The following DBN1 variants were observed in gnomAD, a reference collection of about 807,000 sequenced individuals.
DBN1 encodes the protein drebrin.
Under a neutral mutation model 83.5 loss-of-function variants are expected in DBN1, and 21 were observed. The ratio of observed to expected loss-of-function variants is 0.25; its 90% CI spans 0.18 to 0.36. The LOEUF is 0.36. DBN1 is among the 10% of genes least tolerant of loss of function. The pLI, the probability that DBN1 is intolerant of heterozygous loss-of-function variation, is 1.00. For synonymous variants in DBN1, 381 were observed against 384.9 expected, an observed-to-expected ratio of 0.99 and a Z score of 0.12; for missense variants, 874 against 935.7, an observed-to-expected ratio of 0.93 and a Z score of 0.86.
rs749888478 is a variant in DBN1 at position 177,460,680 on chromosome 5, TTCC to T, written c.792_794del (p.Glu266del). ...ACTCTGACTTCTTCATGTGGGTCTC[TTCC>T]TCCTCATCCCGATGGTCACCCTAGA... On this transcript the variant is annotated inframe_deletion, in exon 9 of 15. Transcript: ENST00000393565. 7.4e-6 allele frequency: 12 copies of T among 1,614,202 alleles called. No individual in the cohort carries two copies. In the South Asian group the frequency reaches 1.2e-4, roughly 16 times the overall value.
In DBN1 at chr5:177,467,347, G is replaced by C. The variant is rs754205461; in HGVS notation, c.478-15C>G. On this transcript the variant is annotated splice_polypyrimidine_tract_variant and intron_variant, in intron 5 of 14. Transcript: ENST00000393565. This position sits in a 1 kb window ranked among gnomAD's most constrained non-coding sequence, Gnocchi z 9.1. ...TAGGTGGTGCCCTGCAGTGTCGAAGGACCCAGCATAAGCAGGCTGAATGCC... is the reference window on the plus strand; with the variant it reads ...TAGGTGGTGCCCTGCAGTGTCGAAGCACCCAGCATAAGCAGGCTGAATGCC... 2 of 1,614,112 alleles carry C rather than the reference G, an allele frequency of 1.2e-6. No homozygotes were observed.
At position 177,466,752 on chromosome 5, in the gene DBN1, A is replaced by C. The variant is rs1757466339; in HGVS notation, c.771+20T>G. On this transcript the variant is annotated intron_variant, in intron 8 of 14. Coordinates refer to ENST00000393565, the MANE Select transcript of DBN1 (RefSeq NM_001363541.2). The surrounding 1 kb of genome is among the most constrained non-coding windows in gnomAD (Gnocchi z 4.8). ...TCACTTCCCTGACCCAGAGACCGGG[A>C]GCCTTGGCAAAGAACTTACAAAGAT... is the stretch of plus-strand genomic sequence containing the variant. The C allele has an allele frequency of 6.2e-7, 1 of 1,613,660 alleles. No homozygotes were observed. The highest frequency in any genetic ancestry group is 1.7e-5 in the Admixed American group (1 of 60,008).
chr5:177,473,381 A>T, intron 1 of DBN1, 55 bp downstream of exon 1: 3 of 1,035,022 alleles, frequency 2.9e-6, no homozygotes, highest in African/African-American at 1.7e-5. Flanking sequence ...AGAGAAACAA[A>T]GGCGCGGCGG....
intron 8 of DBN1, 130 bp from the exon 9 acceptor site, chr5:177,460,833 G>A: frequency 2.2e-6 from 2 of 903,504 alleles, no homozygotes. Context: ...AGGCTGGGGA[G>A]CAGTGGTACA....
Position 177,467,778 on chromosome 5 carries a change from C to T in DBN1, c.295G>A (p.Ala99Thr). The change falls in exon 4 of 15, where the codon GCC becomes ACC. Residue 99 changes from alanine (A) to threonine (T), a missense_variant. Physicochemically the swap from Ala to Thr is moderately conservative, Grantham distance 58. Coordinates refer to ENST00000393565, the MANE Select transcript of DBN1 (RefSeq NM_001363541.2). The surrounding 1 kb of genome is among the most constrained non-coding windows in gnomAD (Gnocchi z 9.1). ...DVPDARKCAC[A>T]SHVAKVAEFF... is the part of the protein sequence containing the mutation. ...TCCGCCACCTTAGCCACGTGGCTGGCACAAGCGCACTTGCGGGCATCAGGC... is the reference window on the plus strand; with the variant it reads ...TCCGCCACCTTAGCCACGTGGCTGGTACAAGCGCACTTGCGGGCATCAGGC... 1 of 1,556,254 alleles carries T rather than the reference C, an allele frequency of 6.4e-7. No individual in the cohort carries two copies. Among genetic ancestry groups the T allele is most frequent in the Non-Finnish European group, 8.7e-7 (1 of 1,149,930 alleles).
In DBN1 at chr5:177,472,042, GC is replaced by G. The variant is rs1413504923; in HGVS notation, c.86+1393del. ...GCCCAGAGCTCCTCCCATGATCTCA[GC>G]CCCCCTGGGGCAGGGCTGGGACAAT... On this transcript the variant is annotated intron_variant, in intron 1 of 14. Transcript: ENST00000393565. 1.1e-5 allele frequency: 16 copies of G among 1,499,482 alleles called. No individual in the cohort carries two copies. The East Asian group carries it at 2.2e-4, about 21-fold the overall frequency. 92.9% of individuals were successfully genotyped at this position (1,499,482 alleles called of 1,614,324 possible).
intron 1 of DBN1, chr5:177,473,013 A>G (rs892808561): frequency 4.6e-4 from 92 of 200,910 alleles, no homozygotes; most frequent in African/African-American, 2.0e-3. Context: ...TGGCTCCGCT[A>G]GCTCGGTCCC....
At chr5:177,458,793 G>A in intron 12 of DBN1, 86 bp from the exon 13 acceptor site, 1 of 1,298,422 alleles carries the variant, frequency 7.7e-7, no homozygotes. Context: ...GAGTGAGGGA[G>A]CCAGGGACTT....
chr5:177,457,848 A>G (rs780622933), intron 13 of DBN1, 91 bp from the exon 14 acceptor site: 1 of 996,038 alleles, frequency 1.0e-6, no homozygotes, highest in Non-Finnish European at 1.5e-6. Flanking sequence ...GCAACCAATG[A>G]TTCCATCAGT....
At chr5:177,464,299 A>G (rs1156419602) in intron 8 of DBN1, among the ~76,000 whole-genome samples, 1 of 150,402 alleles carries the variant, frequency 6.6e-6, no homozygotes, top group Non-Finnish European at 1.5e-5. Context: ...TACAAAAATT[A>G]GCTGGGCATG....
At chr5:177,469,234 C>T (rs1433201331) in intron 1 of DBN1, among the ~76,000 whole-genome samples, 3 of 152,096 alleles carry the variant, frequency 2.0e-5, no homozygotes, top group South Asian at 4.1e-4. Context: ...CCTTGGTTAC[C>T]GTTCCCTGGC....
intron 1 of DBN1, chr5:177,472,284 G>C: frequency 6.3e-7 from 1 of 1,595,502 alleles, no homozygotes; most frequent in Non-Finnish European, 8.5e-7. Context: ...GGTGAGGCCA[G>C]CCCAAGCGGG....
chr5:177,458,999 G>A, intron 12 of DBN1, 99 bp downstream of exon 12: 5 of 1,517,264 alleles, frequency 3.3e-6, no homozygotes, highest in Non-Finnish European at 4.4e-6. Flanking sequence ...TTGGTGATGG[G>A]TGGCCCAGAT....
intron 1 of DBN1, chr5:177,472,956 T>C (rs1156489931): frequency 3.7e-6 from 2 of 533,498 alleles, no homozygotes; most frequent in Non-Finnish European, 4.8e-6. Flanking sequence ...CCGCCCTCGC[T>C]TTCCTTTGTG....
Position 177,473,522 on chromosome 5 carries a change from G to A in DBN1, c.-1C>T, listed in dbSNP as rs1758000362. 2 of 1,422,086 alleles carry A rather than the reference G, an allele frequency of 1.4e-6. No homozygotes were observed. Among genetic ancestry groups the A allele is most frequent in the African/African-American group, 1.5e-5 (1 of 67,850 alleles). The allele number at this position is 1,422,086 out of a possible 1,614,324, so 88.1% of individuals were successfully genotyped here. On this transcript the variant is annotated 5_prime_UTR_variant, in exon 1 of 15. Transcript: ENST00000393565. ...GGCCGCTGAAGCTGACGCCGGCCAT[G>A]CTTCGGGCCGGACCGGGCCGAACGG...
rs200500236 is a variant in DBN1, at chr5:177,466,861, G to A, written c.708-26C>T. On this transcript the variant is annotated intron_variant, in intron 7 of 14. Coordinates refer to ENST00000393565, the MANE Select transcript of DBN1 (RefSeq NM_001363541.2). This position sits in a 1 kb window ranked among gnomAD's most constrained non-coding sequence, Gnocchi z 4.8. ...CTGGAACGATAAGCAGCCAGCACCC[G>A]TCAGGGTGCGCCCGGGGGCCCCTGG... 70 of 1,613,864 alleles carry A rather than the reference G, an allele frequency of 4.3e-5. No individual in the cohort carries two copies. Among genetic ancestry groups the A allele is most frequent in the Admixed American group, 2.8e-4 (17 of 60,026 alleles).
chr5:177,473,395 C>T (rs754339266), intron 1 of DBN1, 41 bp downstream of exon 1: 19 of 1,187,296 alleles, frequency 1.6e-5, no homozygotes, highest in South Asian at 1.5e-4. Flanking sequence ...GCGGCGGCGG[C>T]GCGGGGACAA....
In DBN1 at chr5:177,467,488, T is replaced by G. The variant is rs1043385425; in HGVS notation, c.470A>C (p.Glu157Ala). The change falls in exon 5 of 15, where the codon GAG (glutamate) becomes GCG (alanine). Residue 157 changes from glutamate (E) to alanine (A), a missense_variant. Glu to Ala is a moderately radical substitution (Grantham distance 107). Coordinates refer to ENST00000393565, the MANE Select transcript of DBN1 (RefSeq NM_001363541.2). The surrounding 1 kb of genome is among the most constrained non-coding windows in gnomAD (Gnocchi z 9.1). ...TGCCAAACACACACTAACCACGGGC[T>G]CTGCGTTCTCATCCTCTCGCAGCCG... ...RLRLREDENA[E>A]PVGTTYQKTD... The G allele has an allele frequency of 1.6e-5, 25 of 1,592,460 alleles. No individual in the cohort carries two copies. The highest frequency in any genetic ancestry group is 2.1e-5 in the Non-Finnish European group (24 of 1,168,608).
chr5:177,466,874 C>T lies in DBN1; in HGVS notation c.707+37G>A, dbSNP rs778029850. 58 of 1,613,698 alleles carry T rather than the reference C, an allele frequency of 3.6e-5. No homozygotes were observed. Among genetic ancestry groups the T allele is most frequent in the Non-Finnish European group, 1.7e-5 (20 of 1,179,876 alleles). The stretch of plus-strand genomic sequence containing the variant: ...CAGCCAGCACCCGTCAGGGTGCGCC[C>T]GGGGGCCCCTGGAGCGCTCCGGGCG... On this transcript the variant is annotated intron_variant, in intron 7 of 14. Transcript: ENST00000393565. This position sits in a 1 kb window ranked among gnomAD's most constrained non-coding sequence, Gnocchi z 4.8.
Sources: gnomAD v4.1 joint callset for allele counts (sites outside exome capture counted in the v4.1 genomes callset) on GRCh38, gnomAD v4.1.1 for gene constraint, Gnocchi (gnomAD v3.1) non-coding constraint, MANE v1.5 for transcripts, NCBI Gene and HGNC (gene_info 2026-07-23, HGNC 2026-07-21) for gene names.